Variants in HTR1F observed in about 807,000 individuals in gnomAD.
HTR1F encodes 5-hydroxytryptamine (serotonin) receptor 1F, G protein-coupled.
HTR1F carries 17 observed loss-of-function variants against 24.0 expected under a neutral mutation model. The ratio of observed to expected loss-of-function variants is 0.71; its 90% CI spans 0.48 to 1.06. The LOEUF (loss-of-function observed/expected upper bound fraction) is 1.06. HTR1F is among the 50% of genes least tolerant of loss of function. The pLI, the probability that HTR1F is intolerant of heterozygous loss-of-function variation, is 0.00. For missense variants in HTR1F, 391 were observed against 427.8 expected (o/e 0.91, Z 0.76); for synonymous variants, 186 against 156.8 (o/e 1.19, Z -1.39).
chr3:87,866,811 T>TGC (rs1364655070), intron 2 of HTR1F, among the ~76,000 whole-genome samples: 15 of 98,774 alleles, frequency 1.5e-4, no homozygotes, highest in African/African-American at 1.3e-3. Flanking sequence ...TGGGCACAAG[T>TGC]GTGCGTGCGT....
chr3:87,873,133 C>CAGAGAGAGAGAG (rs3079048), intron 2 of HTR1F, among the ~76,000 whole-genome samples: 1 of 130,186 alleles, frequency 7.7e-6, no homozygotes, highest in African/African-American at 2.6e-5. Flanking sequence ...CACACACACA[C>CAGAGAGAGAGAG]AGAGAGATTT....
intron 2 of HTR1F, among the ~76,000 whole-genome samples, chr3:87,895,094 G>T (rs150698272): frequency 2.3e-4 from 35 of 152,254 alleles, no homozygotes; most frequent in African/African-American, 7.7e-4. Context: ...TCAGACAGGG[G>T]TGATGAAAAG....
intron 2 of HTR1F, among the ~76,000 whole-genome samples, chr3:87,924,282 C>A (rs972961914): frequency 2.0e-5 from 3 of 151,932 alleles, no homozygotes; most frequent in African/African-American, 4.8e-5. Context: ...TGTTGATGCA[C>A]GGGGAATTTA....
At chr3:87,982,111 T>C (rs546773250) in intron 2 of HTR1F, among the ~76,000 whole-genome samples, 1 of 152,252 alleles carries the variant, frequency 6.6e-6, no homozygotes, top group East Asian at 1.9e-4. Context: ...TTAATAGAGA[T>C]GGGGTTTCAC....
At chr3:87,948,249 A>G (rs906077091) in intron 2 of HTR1F, among the ~76,000 whole-genome samples, 4 of 152,170 alleles carry the variant, frequency 2.6e-5, no homozygotes, top group African/African-American at 9.7e-5. Flanking sequence ...TAATTATTAT[A>G]ATAACTTCTG....
intron 2 of HTR1F, among the ~76,000 whole-genome samples, chr3:87,923,191 G>A (rs575506225): frequency 1.3e-5 from 2 of 152,082 alleles, no homozygotes; most frequent in South Asian, 4.1e-4. Flanking sequence ...TTAAAGTCAG[G>A]TGGTATGATG....
At chr3:87,956,898 T>G (rs997078434) in intron 2 of HTR1F, among the ~76,000 whole-genome samples, 8 of 151,326 alleles carry the variant, frequency 5.3e-5, no homozygotes, top group African/African-American at 1.9e-4. Flanking sequence ...GTAAATAGAT[T>G]CATCATTTCC....
intron 2 of HTR1F, among the ~76,000 whole-genome samples, chr3:87,946,610 T>TGC (rs1455642441): frequency 1.2e-5 from 1 of 85,022 alleles, no homozygotes; most frequent in Non-Finnish European, 2.5e-5. Flanking sequence ...TGTGTGTGTG[T>TGC]GTATATATAT....
intron 2 of HTR1F, among the ~76,000 whole-genome samples, chr3:87,875,143 T>C (rs1280192398): frequency 2.0e-5 from 3 of 152,040 alleles, no homozygotes; most frequent in African/African-American, 7.2e-5. Context: ...TGGAACCACA[T>C]CAAACTTAAA....
At chr3:87,807,322 T>G (rs1316413472) in intron 1 of HTR1F, among the ~76,000 whole-genome samples, 3 of 152,020 alleles carry the variant, frequency 2.0e-5, no homozygotes, top group African/African-American at 4.8e-5. Flanking sequence ...GTAGTTTTTC[T>G]TTTAGAAATC....
At chr3:87,900,283 A>G (rs533619420) in intron 2 of HTR1F, among the ~76,000 whole-genome samples, 1 of 152,302 alleles carries the variant, frequency 6.6e-6, no homozygotes, top group East Asian at 1.9e-4. Context: ...ATATTGGGAT[A>G]TATTGGAATG....
chr3:87,915,867 A>G (rs1348693233), intron 2 of HTR1F, among the ~76,000 whole-genome samples: 1 of 152,104 alleles, frequency 6.6e-6, no homozygotes, highest in East Asian at 1.9e-4. Flanking sequence ...CACCTGGAAA[A>G]CTCATCGCAA....
At chr3:87,861,387 T>A (rs569735868) in intron 2 of HTR1F, among the ~76,000 whole-genome samples, 1 of 152,222 alleles carries the variant, frequency 6.6e-6, no homozygotes, top group African/African-American at 2.4e-5. Context: ...GCCCCACAAG[T>A]AAGGATGAAG....
At chr3:87,963,169 G>C (rs1705097727) in intron 2 of HTR1F, among the ~76,000 whole-genome samples, 1 of 152,032 alleles carries the variant, frequency 6.6e-6, no homozygotes, top group African/African-American at 2.4e-5. Context: ...CCGAATGTCA[G>C]TTATTGGACT....
intron 2 of HTR1F, among the ~76,000 whole-genome samples, chr3:87,852,762 C>T (rs1157551010): frequency 4.0e-5 from 6 of 151,648 alleles, no homozygotes; most frequent in Non-Finnish European, 7.4e-5. Flanking sequence ...TCAGTGTTCA[C>T]TTGGCTATTC....
intron 2 of HTR1F, among the ~76,000 whole-genome samples, chr3:87,826,158 G>A (rs1306065111): frequency 1.3e-5 from 2 of 152,142 alleles, no homozygotes; most frequent in South Asian, 2.1e-4. Context: ...TGCTTTCCTA[G>A]TTCTCCTGTC....
intron 2 of HTR1F, among the ~76,000 whole-genome samples, chr3:87,904,160 A>G (rs767337122): frequency 1.3e-5 from 2 of 152,150 alleles, no homozygotes; most frequent in Non-Finnish European, 2.9e-5. Context: ...ACAAGTTAAA[A>G]CCACAATGAG....
rs1479003042 is a variant in HTR1F at position 87,991,413 on chromosome 3, A to C, written c.664A>C (p.Lys222Gln). The change falls in exon 3 of 3, where the codon AAG becomes CAG. Residue 222 changes from lysine to glutamine, a missense_variant. Transcript: ENST00000319595. ...YHKRQASRIA[K>Q]EEVNGQVLLE... is the part of the protein sequence containing the mutation. ...CAAGAGACAAGCAAGTAGGATTGCA[A>C]AGGAGGAGGTGAATGGCCAAGTCCT... 6.2e-7 allele frequency: 1 copy of C among 1,613,958 alleles called. No homozygotes were observed. The highest frequency in any genetic ancestry group is 2.2e-5 in the East Asian group (1 of 44,896).
At chr3:87,934,008 C>T (rs1704351021) in intron 2 of HTR1F, among the ~76,000 whole-genome samples, 1 of 152,052 alleles carries the variant, frequency 6.6e-6, no homozygotes, top group Non-Finnish European at 1.5e-5. Flanking sequence ...TTTTCCAGTC[C>T]CTGGGAAAAC....
Sources: gnomAD v4.1 joint callset for allele counts (sites outside exome capture counted in the v4.1 genomes callset) on GRCh38, gnomAD v4.1.1 for gene constraint, MANE v1.5 for transcripts, NCBI Gene and HGNC (gene_info 2026-07-23, HGNC 2026-07-21) for gene names.